Variants in ABCA13 observed in about 807,000 individuals in gnomAD.
ABCA13 encodes ATP-binding cassette sub-family A member 13.
Under a neutral mutation model 478.7 loss-of-function variants are expected in ABCA13, and 476 were observed. The ratio of observed to expected loss-of-function variants is 0.99; its 90% CI spans 0.92 to 1.07. The LOEUF is 1.07. Among genes scored for constraint, ABCA13 ranks in the 50% least tolerant of loss-of-function variants. The pLI, the probability that ABCA13 is intolerant of heterozygous loss-of-function variation, is 0.00. For missense variants in ABCA13, 6,060 were observed against 5,910.6 expected, an observed-to-expected ratio of 1.03 and a Z score of -0.83; for synonymous variants, 2,252 against 2,158.9, an observed-to-expected ratio of 1.04 and a Z score of -1.20.
intron 37 of ABCA13, among the ~76,000 whole-genome samples, chr7:48,391,632 T>TA (rs1465995896): frequency 6.6e-6 from 1 of 152,154 alleles, no homozygotes; most frequent in Non-Finnish European, 1.5e-5. Context: ...ATTTTTGACT[T>TA]ACAATATTTT....
chr7:48,273,272 C>T lies in ABCA13; in HGVS notation c.3606C>T (p.Thr1202=). Residue 1202 remains threonine, a synonymous_variant, in exon 17 of 62, where the codon ACC becomes ACT. Transcript: ENST00000435803. ...AAAGCTGCCAGGGTATACTTCCCAC[C>T]CATAATGTTGCTAGACTCATATTAA... ...VSKSCQGILP[T]HNVARLILNL... is the part of the protein sequence containing the mutation. 6.2e-7 allele frequency: 1 copy of T among 1,613,596 alleles called. No homozygotes were observed. The highest frequency in any genetic ancestry group is 1.1e-5 in the South Asian group (1 of 91,058).
rs1230718223 is a variant in ABCA13 at position 48,287,940 on chromosome 7, C to T, written c.8837-20C>T. 3 of 1,591,496 alleles carry T rather than the reference C, an allele frequency of 1.9e-6. No homozygotes were observed. Among genetic ancestry groups the T allele is most frequent in the Non-Finnish European group, 1.7e-6 (2 of 1,159,844 alleles). On this transcript the variant is annotated intron_variant, in intron 19 of 61. Transcript: ENST00000435803. The stretch of plus-strand genomic sequence containing the variant: ...AGAGGACTGTCTATTAATTATTTCT[C>T]TGTGTGTTTCCTCTGGCAGAAAACC...
rs138640423 is a variant in ABCA13, at chr7:48,217,064, C to A, written c.288-2290C>A. Among the ~76,000 whole-genome samples the A allele has an allele frequency of 1.6e-4, 25 of 152,294 alleles. 1 individual carries two copies. The highest frequency in any genetic ancestry group is 5.8e-4 in the African/African-American group (24 of 41,568). On this transcript the variant is annotated intron_variant, in intron 3 of 61. Transcript: ENST00000435803. ...CAAAGAACTAAGAATAGAACTACCA[C>A]TCTATACAGCAATTTCATTACTGGA...
intron 29 of ABCA13, among the ~76,000 whole-genome samples, chr7:48,340,385 C>T (rs909545660): frequency 2.0e-5 from 3 of 152,086 alleles, no homozygotes; most frequent in Non-Finnish European, 2.9e-5. Context: ...GGATTACAGG[C>T]GTGAGCCACT....
Position 48,325,634 on chromosome 7 carries a change from G to T in ABCA13, c.9999+8338G>T, listed in dbSNP as rs182524354. Reference sequence around the variant, plus strand: ...TGTTATTAGCCAATGTATCAGTCAAGGTTCAAGCAGAAAAGAGAAAACTGG... The same window carrying T: ...TGTTATTAGCCAATGTATCAGTCAATGTTCAAGCAGAAAAGAGAAAACTGG... On this transcript the variant is annotated intron_variant, in intron 27 of 61. Coordinates refer to ENST00000435803, the MANE Select transcript of ABCA13 (RefSeq NM_152701.5). Among the ~76,000 whole-genome samples, 19 of 152,124 alleles carry T rather than the reference G, an allele frequency of 1.2e-4. No individual in the cohort carries two copies. In the East Asian group the frequency reaches 3.5e-3, roughly 28 times the overall value.
chr7:48,341,477 A>T (rs1280137709), intron 29 of ABCA13, among the ~76,000 whole-genome samples: 1 of 152,000 alleles, frequency 6.6e-6, no homozygotes, highest in Non-Finnish European at 1.5e-5. Flanking sequence ...TGAAAAAGAG[A>T]ATGAGAGAAA....
chr7:48,278,081 T>A lies in ABCA13; in HGVS notation c.6900-13T>A, dbSNP rs956264231. 2.0e-6 allele frequency: 2 copies of A among 989,686 alleles called. No individual in the cohort carries two copies. Among genetic ancestry groups the A allele is most frequent in the African/African-American group, 3.3e-5 (2 of 60,370 alleles). 61.3% of individuals were successfully genotyped at this position (989,686 alleles called of 1,614,324 possible). On this transcript the variant is annotated splice_polypyrimidine_tract_variant and intron_variant, in intron 17 of 61. Transcript: ENST00000435803. ...AAATTAAATTAAAAGTATATATATA[T>A]ATATATTTACAGTTTTGTCCCAAAA...
intron 57 of ABCA13, among the ~76,000 whole-genome samples, chr7:48,594,250 T>G (rs1289235765): frequency 2.0e-5 from 3 of 152,154 alleles, no homozygotes; most frequent in African/African-American, 7.2e-5. Context: ...TTTGTTCTTC[T>G]TAATTCTTTT....
At chr7:48,188,163 C>T (rs1796611302) in intron 1 of ABCA13, among the ~76,000 whole-genome samples, 1 of 152,180 alleles carries the variant, frequency 6.6e-6, no homozygotes, top group African/African-American at 2.4e-5. Flanking sequence ...GGGAAATCAT[C>T]TGAGATGCAA....
intron 20 of ABCA13, among the ~76,000 whole-genome samples, chr7:48,294,438 T>G (rs867520301): frequency 0.2 from 14,219 of 72,846 alleles, 1,131 homozygotes; most frequent in East Asian, 0.49. Flanking sequence ...TTTTTTTTTT[T>G]TTTGTTTTGT....
At chr7:48,596,339 GT>G in intron 58 of ABCA13, among the ~76,000 whole-genome samples, 1 of 152,024 alleles carries the variant, frequency 6.6e-6, no homozygotes, top group Non-Finnish European at 1.5e-5. Flanking sequence ...TTACACTGTT[GT>G]TTTTTTAAAT....
chr7:48,588,145 G>A lies in ABCA13; in HGVS notation c.14640+857G>A, dbSNP rs1043963652. 3.3e-5 allele frequency among the ~76,000 whole-genome samples: 5 copies of A among 152,250 alleles called. No individual in the cohort carries two copies. In the South Asian group the frequency reaches 6.2e-4, roughly 19 times the overall value. ...GTCTGTGTGGGAAAATGGTCTCATC[G>A]TTTGCTGGTTGTCTCCTGGAAACTC... On this transcript the variant is annotated intron_variant, in intron 57 of 61. Transcript: ENST00000435803.
chr7:48,341,942 T>C (rs115781648), intron 29 of ABCA13, among the ~76,000 whole-genome samples: 4,654 of 134,538 alleles, frequency 0.035, 316 homozygotes, highest in African/African-American at 0.12. Flanking sequence ...TATATATATA[T>C]TCATATATAT....
chr7:48,364,597 A>G (rs750696295), intron 31 of ABCA13, among the ~76,000 whole-genome samples: 6 of 151,670 alleles, frequency 4.0e-5, no homozygotes, highest in Non-Finnish European at 8.8e-5. Flanking sequence ...GTAACTCACT[A>G]CTCTACTTTC....
chr7:48,389,464 C>T (rs986183363), intron 37 of ABCA13, among the ~76,000 whole-genome samples: 2 of 152,126 alleles, frequency 1.3e-5, no homozygotes, highest in African/African-American at 4.8e-5. Context: ...TGGTGGATAG[C>T]TTTTTAAAAG....
rs141621443 is a variant in ABCA13, at chr7:48,306,189, G to A, written c.9322-3758G>A. Among the ~76,000 whole-genome samples, 182 of 152,296 alleles carry A rather than the reference G, an allele frequency of 1.2e-3. 1 individual carries two copies. The highest frequency in any genetic ancestry group is 3.9e-3 in the African/African-American group (163 of 41,550). On this transcript the variant is annotated intron_variant, in intron 23 of 61. Coordinates refer to ENST00000435803, the MANE Select transcript of ABCA13 (RefSeq NM_152701.5). Reference sequence around the variant, plus strand: ...TGTGGCTTCTGTGCATTGTGACTGCGGAGCTTCCACATGACAGGGTGTGGG... The same window carrying A: ...TGTGGCTTCTGTGCATTGTGACTGCAGAGCTTCCACATGACAGGGTGTGGG...
At chr7:48,591,283 A>C (rs13223000) in intron 57 of ABCA13, among the ~76,000 whole-genome samples, 13,745 of 152,010 alleles carry the variant, frequency 0.09, 748 homozygotes, top group African/African-American at 0.16. Flanking sequence ...TTAATTGACT[A>C]TATGTGTGTG....
At chr7:48,378,890 TGCAAAGGGAA>T (rs1813906175) in intron 35 of ABCA13, among the ~76,000 whole-genome samples, 1 of 152,206 alleles carries the variant, frequency 6.6e-6, no homozygotes, top group African/African-American at 2.4e-5. Context: ...TCCTACACCC[TGCAAAGGGAA>T]GCAAATGCAG....
chr7:48,536,463 C>T lies in ABCA13; in HGVS notation c.14354+8118C>T, dbSNP rs1371772178. ...AGAAGTTCAAGACCAGCCTGGCCAACATGGTGAAACCCCATCTCTACTAAA... is the reference window on the plus strand; with the variant it reads ...AGAAGTTCAAGACCAGCCTGGCCAATATGGTGAAACCCCATCTCTACTAAA... On this transcript the variant is annotated intron_variant, in intron 55 of 61. Coordinates refer to ENST00000435803, the MANE Select transcript of ABCA13 (RefSeq NM_152701.5). Among the ~76,000 whole-genome samples the T allele has an allele frequency of 2.0e-5, 3 of 152,200 alleles. 1 individual carries two copies. The highest frequency in any genetic ancestry group is 7.2e-5 in the African/African-American group (3 of 41,528).
Sources: allele counts gnomAD v4.1 joint callset (sites outside exome capture counted in the v4.1 genomes callset), GRCh38; gene constraint gnomAD v4.1.1; transcripts MANE v1.5; gene names NCBI Gene and HGNC (gene_info 2026-07-23, HGNC 2026-07-21).